LRMDA: variants seen among roughly 807,000 people sequenced by gnomAD.
LRMDA encodes the protein leucine rich melanocyte differentiation associated.
LRMDA carries 18 observed loss-of-function variants against 29.8 expected under a neutral mutation model. That is an observed-to-expected ratio of 0.60 (90% CI 0.42 to 0.90). The LOEUF (loss-of-function observed/expected upper bound fraction) is 0.90. LRMDA is among the 40% of genes least tolerant of loss of function. LRMDA has a pLI of 0.00. For missense variants in LRMDA, 273 were observed against 273.9 expected (o/e 1.00, Z 0.02); for synonymous variants, 125 against 109.4 (o/e 1.14, Z -0.89).
chr10:75,878,211 G>C (rs781260392), intron 2 of LRMDA, among the ~76,000 whole-genome samples: 4 of 152,046 alleles, frequency 2.6e-5, no homozygotes, highest in Admixed American at 6.5e-5. Flanking sequence ...TTTGCATCCC[G>C]TGTTCTTGCC....
At chr10:76,554,962 C>T (rs1330683352) in intron 6 of LRMDA, among the ~76,000 whole-genome samples, 6 of 152,050 alleles carry the variant, frequency 3.9e-5, no homozygotes, top group South Asian at 2.1e-4. Context: ...TTATGACATC[C>T]GACAGACCTA....
chr10:76,071,085 G>A (rs182506279), intron 5 of LRMDA, among the ~76,000 whole-genome samples: 4 of 152,158 alleles, frequency 2.6e-5, no homozygotes, highest in Admixed American at 1.3e-4. Context: ...GAGTGACCTC[G>A]CACTCAACTC....
chr10:76,019,134 C>T (rs1256348833), intron 2 of LRMDA, among the ~76,000 whole-genome samples: 8 of 152,110 alleles, frequency 5.3e-5, no homozygotes, highest in African/African-American at 7.2e-5. Flanking sequence ...ATCTTACCCT[C>T]GGGCCGGGTG....
intron 6 of LRMDA, among the ~76,000 whole-genome samples, chr10:76,432,524 C>T (rs1295159249): frequency 2.6e-5 from 4 of 152,190 alleles, no homozygotes; most frequent in African/African-American, 9.6e-5. Context: ...GCAGGGGGAA[C>T]AAGTGGTGAC....
intron 6 of LRMDA, among the ~76,000 whole-genome samples, chr10:76,342,479 A>G (rs948080071): frequency 7.2e-5 from 11 of 152,024 alleles, no homozygotes; most frequent in Admixed American, 6.6e-5. Flanking sequence ...CTCAAAAACA[A>G]TATCAGCCTC....
intron 2 of LRMDA, among the ~76,000 whole-genome samples, chr10:75,572,559 C>T (rs1024426322): frequency 6.6e-6 from 1 of 152,152 alleles, no homozygotes; most frequent in African/African-American, 2.4e-5. Flanking sequence ...CTGCCAAGTA[C>T]ACTATTAATT....
chr10:75,766,337 C>T (rs1324125413), intron 2 of LRMDA, among the ~76,000 whole-genome samples: 3 of 152,198 alleles, frequency 2.0e-5, no homozygotes, highest in Non-Finnish European at 4.4e-5. Context: ...GTTTGCTGGT[C>T]TGTCCCAGTG....
rs534744316 is a variant in LRMDA at position 76,237,210 on chromosome 10, A to G, written c.517-87191A>G. On this transcript the variant is annotated intron_variant, in intron 5 of 6. Coordinates refer to ENST00000611255, the MANE Select transcript of LRMDA (RefSeq NM_001305581.2). ...TAAAAAATAGCAAAAACAGAAAGAAAGAAAATGTTAAGTTCCCCATAAACA... is the reference window on the plus strand; with the variant it reads ...TAAAAAATAGCAAAAACAGAAAGAAGGAAAATGTTAAGTTCCCCATAAACA... Among the ~76,000 whole-genome samples the G allele has an allele frequency of 1.4e-4, 21 of 152,336 alleles. No individual in the cohort carries two copies. In the East Asian group the frequency reaches 3.7e-3, roughly 27 times the overall value.
At chr10:76,478,788 A>AT (rs1842705761) in intron 6 of LRMDA, among the ~76,000 whole-genome samples, 1 of 151,962 alleles carries the variant, frequency 6.6e-6, no homozygotes, top group South Asian at 2.1e-4. Flanking sequence ...TCAGCAAACT[A>AT]TATCAAGGAG....
chr10:75,966,849 C>T (rs1015316896), intron 2 of LRMDA, among the ~76,000 whole-genome samples: 8 of 152,166 alleles, frequency 5.3e-5, no homozygotes, highest in East Asian at 1.9e-4. Context: ...TAATGCCCTG[C>T]GAGGCTATTA....
chr10:75,958,269 G>A (rs1215268375), intron 2 of LRMDA, among the ~76,000 whole-genome samples: 1 of 152,104 alleles, frequency 6.6e-6, no homozygotes, highest in Non-Finnish European at 1.5e-5. Context: ...CCTTTGCTGT[G>A]AGCAAATGTT....
chr10:76,120,977 T>C (rs1207603870), intron 5 of LRMDA, among the ~76,000 whole-genome samples: 2 of 151,944 alleles, frequency 1.3e-5, no homozygotes, highest in African/African-American at 4.8e-5. Flanking sequence ...GGACTACAGG[T>C]GCCCGCCACC....
rs1451471505 is a variant in LRMDA at position 76,498,995 on chromosome 10, A to G, written c.602-58214A>G. Among the ~76,000 whole-genome samples the G allele has an allele frequency of 2.8e-4, 2 of 7,082 alleles. 1 individual carries two copies. The highest frequency in any genetic ancestry group is 3.7e-3 in the East Asian group (2 of 544). The allele number at this position is 7,082 out of a possible 152,430, so 4.6% of individuals were successfully genotyped here. On this transcript the variant is annotated intron_variant, in intron 6 of 6. Coordinates refer to ENST00000611255, the MANE Select transcript of LRMDA (RefSeq NM_001305581.2). ...AGAAAAATAAAACAACAGTAGTAGTAGTAGTAATAAGCATGATCATCATCA... is the reference window on the plus strand; with the variant it reads ...AGAAAAATAAAACAACAGTAGTAGTGGTAGTAATAAGCATGATCATCATCA...
chr10:75,750,838 G>A (rs1254426964), intron 2 of LRMDA, among the ~76,000 whole-genome samples: 6 of 150,524 alleles, frequency 4.0e-5, no homozygotes, highest in Non-Finnish European at 5.9e-5. Flanking sequence ...CAGACTGGGC[G>A]GCCGGGAAGA....
chr10:75,766,388 A>G (rs550822559), intron 2 of LRMDA, among the ~76,000 whole-genome samples: 2 of 152,252 alleles, frequency 1.3e-5, no homozygotes, highest in South Asian at 4.1e-4. Flanking sequence ...CTCAAAAAGC[A>G]TTAGTTGAAG....
At chr10:75,456,238 C>T (rs1589149326) in intron 2 of LRMDA, among the ~76,000 whole-genome samples, 3 of 152,218 alleles carry the variant, frequency 2.0e-5, no homozygotes, top group East Asian at 1.9e-4. Flanking sequence ...GACACATATA[C>T]GCGGCAATTA....
intron 2 of LRMDA, among the ~76,000 whole-genome samples, chr10:75,843,456 G>C (rs1432155200): frequency 1.3e-5 from 2 of 152,240 alleles, no homozygotes; most frequent in African/African-American, 2.4e-5. Context: ...GGGGTCCTGA[G>C]TGCCAGTGCT....
At chr10:75,983,923 G>C (rs996895200) in intron 2 of LRMDA, among the ~76,000 whole-genome samples, 7 of 152,146 alleles carry the variant, frequency 4.6e-5, no homozygotes, top group Non-Finnish European at 1.0e-4. Flanking sequence ...CCAAAGTGCT[G>C]GGATTACAGG....
intron 6 of LRMDA, among the ~76,000 whole-genome samples, chr10:76,425,702 A>G (rs1842117286): frequency 6.6e-6 from 1 of 151,730 alleles, no homozygotes; most frequent in Admixed American, 6.6e-5. Context: ...TGCTGCACCC[A>G]TTAACTTGTC....
Sources: allele counts gnomAD v4.1 joint callset (sites outside exome capture counted in the v4.1 genomes callset), GRCh38; gene constraint gnomAD v4.1.1; transcripts MANE v1.5; gene names NCBI Gene and HGNC (gene_info 2026-07-23, HGNC 2026-07-21).